Variants in HDAC9 observed in about 807,000 individuals in gnomAD.
HDAC9 encodes the protein MEF-2 interacting transcription repressor (MITR) protein.
HDAC9 carries 41 observed loss-of-function variants against 139.4 expected under a neutral mutation model. The ratio of observed to expected loss-of-function variants is 0.29; its 90% CI spans 0.23 to 0.38. The LOEUF is 0.38. HDAC9 is among the 10% of genes least tolerant of loss of function. The pLI, the probability that HDAC9 is intolerant of heterozygous loss-of-function variation, is 1.00. For synonymous variants in HDAC9, 517 were observed against 476.2 expected, an observed-to-expected ratio of 1.09 and a Z score of -1.12; for missense variants, 1,147 against 1,297.0, an observed-to-expected ratio of 0.88 and a Z score of 1.78.
intron 1 of HDAC9, among the ~76,000 whole-genome samples, chr7:18,297,337 A>G (rs954413144): frequency 7.2e-5 from 11 of 152,170 alleles, no homozygotes; most frequent in Middle Eastern, 3.4e-3. Context: ...ATGGTAGGGG[A>G]TTATTAGGCT....
intron 6 of HDAC9, among the ~76,000 whole-genome samples, chr7:18,628,292 A>C (rs191421889): frequency 1.3e-4 from 20 of 152,288 alleles, no homozygotes; most frequent in Admixed American, 1.3e-3. Context: ...ACCTTGGGCA[A>C]GATACTTACC....
chr7:18,903,475 C>T (rs1269282611), intron 22 of HDAC9, among the ~76,000 whole-genome samples: 2 of 152,160 alleles, frequency 1.3e-5, no homozygotes, highest in African/African-American at 2.4e-5. Context: ...TTCAAATAGA[C>T]ATCCAGTGGA....
At chr7:18,476,905 A>G in intron 1 of HDAC9, among the ~76,000 whole-genome samples, 1 of 152,164 alleles carries the variant, frequency 6.6e-6, no homozygotes, top group Non-Finnish European at 1.5e-5. Flanking sequence ...CTGCTTTTTA[A>G]GTTTGCCCCC....
intron 25 of HDAC9, among the ~76,000 whole-genome samples, chr7:18,976,930 C>A (rs918013373): frequency 2.0e-5 from 3 of 152,158 alleles, no homozygotes; most frequent in Non-Finnish European, 4.4e-5. Flanking sequence ...CACAGGTTGG[C>A]AATTTTCCCA....
intron 3 of HDAC9, among the ~76,000 whole-genome samples, chr7:18,588,829 C>G (rs1830147099): frequency 6.6e-6 from 1 of 152,116 alleles, no homozygotes; most frequent in African/African-American, 2.4e-5. Context: ...TGCATTTTGA[C>G]TGGAACTCAT....
At chr7:18,522,609 A>G (rs1389917516) in intron 2 of HDAC9, among the ~76,000 whole-genome samples, 1 of 151,684 alleles carries the variant, frequency 6.6e-6, no homozygotes, top group Non-Finnish European at 1.5e-5. Flanking sequence ...AAAACAAAAA[A>G]CAAAAAACAA....
chr7:18,377,539 C>G (rs1785091100), intron 1 of HDAC9, among the ~76,000 whole-genome samples: 1 of 152,098 alleles, frequency 6.6e-6, no homozygotes, highest in African/African-American at 2.4e-5. Context: ...GCGCATGACA[C>G]TTGATATGTT....
intron 12 of HDAC9, among the ~76,000 whole-genome samples, chr7:18,691,232 T>A (rs987979301): frequency 6.6e-6 from 1 of 152,006 alleles, no homozygotes; most frequent in African/African-American, 2.4e-5. Context: ...GTTTATGTTC[T>A]GCATAAGAGG....
intron 25 of HDAC9, among the ~76,000 whole-genome samples, chr7:18,978,871 C>A (rs1202478674): frequency 6.6e-6 from 1 of 152,064 alleles, no homozygotes; most frequent in Non-Finnish European, 1.5e-5. Context: ...ATCAAGACTT[C>A]AAGATGATCA....
intron 19 of HDAC9, 72 bp from the exon 20 acceptor site, chr7:18,835,395 G>C (rs996722184): frequency 3.5e-5 from 52 of 1,465,402 alleles, no homozygotes; most frequent in Non-Finnish European, 4.8e-5. Flanking sequence ...CAGGGAACTA[G>C]AAATCAGAAA....
At chr7:18,563,393 T>C (rs1821206309) in intron 2 of HDAC9, among the ~76,000 whole-genome samples, 2 of 152,170 alleles carry the variant, frequency 1.3e-5, no homozygotes, top group Admixed American at 6.5e-5. Context: ...TCCAAAAATA[T>C]ATAAGCTCCA....
intron 24 of HDAC9, 59 bp downstream of exon 24, chr7:18,954,289 T>C: frequency 9.2e-7 from 1 of 1,088,230 alleles, no homozygotes. Flanking sequence ...AAAATTATAT[T>C]GAAAATTATA....
At position 18,887,570 on chromosome 7, in the gene HDAC9, A is replaced by C. The variant is rs1171849637; in HGVS notation, c.2803+12974A>C. On this transcript the variant is annotated intron_variant, in intron 22 of 25. Transcript: ENST00000686413. ...GGACCTAAATAAAATGCTTTGCAAA[A>C]TGTGACACTCTACATATAATAACGT... 3.3e-5 allele frequency among the ~76,000 whole-genome samples: 5 copies of C among 152,218 alleles called. No homozygotes were observed. The East Asian group carries it at 9.6e-4, about 29-fold the overall frequency.
At chr7:18,414,010 T>G (rs1159006108) in intron 1 of HDAC9, among the ~76,000 whole-genome samples, 1 of 152,000 alleles carries the variant, frequency 6.6e-6, no homozygotes, top group African/African-American at 2.4e-5. Flanking sequence ...ATGAGAAACT[T>G]CCCCTCAGAA....
At chr7:18,775,619 G>A (rs1790697624) in intron 16 of HDAC9, among the ~76,000 whole-genome samples, 1 of 151,470 alleles carries the variant, frequency 6.6e-6, no homozygotes, top group Non-Finnish European at 1.5e-5. Flanking sequence ...AGCATGTACT[G>A]TCCAATACCA....
intron 14 of HDAC9, among the ~76,000 whole-genome samples, chr7:18,751,221 A>G (rs1244124457): frequency 1.3e-5 from 2 of 152,194 alleles, no homozygotes; most frequent in Non-Finnish European, 1.5e-5. Flanking sequence ...AATATCAAAC[A>G]CAAGTTGAGA....
chr7:18,972,098 C>T (rs1195480159), intron 24 of HDAC9, among the ~76,000 whole-genome samples: 1 of 152,176 alleles, frequency 6.6e-6, no homozygotes, highest in Non-Finnish European at 1.5e-5. Context: ...TTGCTGACCT[C>T]TTCAAGAGTT....
At chr7:18,352,941 T>C (rs1782964708) in intron 1 of HDAC9, among the ~76,000 whole-genome samples, 1 of 152,128 alleles carries the variant, frequency 6.6e-6, no homozygotes, top group South Asian at 2.1e-4. Flanking sequence ...CAGCAAAATA[T>C]CTTCCAGTAC....
At chr7:18,360,408 G>C (rs1213008000) in intron 1 of HDAC9, among the ~76,000 whole-genome samples, 5 of 151,802 alleles carry the variant, frequency 3.3e-5, no homozygotes, top group African/African-American at 1.2e-4. Flanking sequence ...CCTTTTTCTA[G>C]AAACATGCAT....
Sources: gnomAD v4.1 joint callset for allele counts (sites outside exome capture counted in the v4.1 genomes callset) on GRCh38, gnomAD v4.1.1 for gene constraint, MANE v1.5 for transcripts, NCBI Gene and HGNC (gene_info 2026-07-23, HGNC 2026-07-21) for gene names.